Variants in AP3S1 observed in about 807,000 individuals in gnomAD.
AP3S1 encodes adaptor related protein complex 3 subunit sigma 1.
In AP3S1, 12 loss-of-function variants were observed where a neutral mutation model predicts 21.3. The ratio of observed to expected loss-of-function variants is 0.56; its 90% CI spans 0.36 to 0.91. The LOEUF is 0.91. Ranked by LOEUF, AP3S1 falls within the 40% of genes least tolerant of loss-of-function variation. The probability of loss-of-function intolerance (pLI) is 0.01; values close to 1 mark genes in which losing one functional copy is unlikely to be tolerated. For missense variants in AP3S1, 116 were observed against 225.0 expected (o/e 0.52, Z 3.10); for synonymous variants, 48 against 78.4 (o/e 0.61, Z 2.05).
chr5:115,908,830 C>T (rs1325589473), intron 5 of AP3S1: 6 of 230,762 alleles, frequency 2.6e-5, no homozygotes, highest in African/African-American at 7.0e-5. Context: ...TATTCTACCT[C>T]GTGTTGAGGG....
chr5:115,869,608 C>T (rs1748041841), intron 2 of AP3S1, among the ~76,000 whole-genome samples: 1 of 152,200 alleles, frequency 6.6e-6, no homozygotes, highest in Admixed American at 6.5e-5. Flanking sequence ...TAGATCTCAG[C>T]TTAAATGCCA....
chr5:115,882,720 C>G (rs895371324), intron 3 of AP3S1, among the ~76,000 whole-genome samples: 4 of 152,188 alleles, frequency 2.6e-5, no homozygotes, highest in East Asian at 1.9e-4. Flanking sequence ...TATCAGAGCT[C>G]GAGCACTGTG....
chr5:115,903,185 G>T (rs921634847), intron 5 of AP3S1, 193 bp downstream of exon 5: 8 of 414,446 alleles, frequency 1.9e-5, no homozygotes, highest in Non-Finnish European at 3.4e-5. Context: ...CAACAGCTTT[G>T]TGTATTCTTC....
intron 2 of AP3S1, among the ~76,000 whole-genome samples, chr5:115,868,085 C>T (rs931176305): frequency 8.6e-5 from 13 of 152,024 alleles, no homozygotes; most frequent in Admixed American, 2.0e-4. Flanking sequence ...TTTCTCAGTC[C>T]TGTGGTTTTA....
At chr5:115,845,920 A>G (rs1365146555) in intron 1 of AP3S1, among the ~76,000 whole-genome samples, 2 of 143,332 alleles carry the variant, frequency 1.4e-5, no homozygotes, top group East Asian at 2.1e-4. Flanking sequence ...TTTGCCTTCT[A>G]TATCCTTGGT....
chr5:115,906,966 A>C, intron 5 of AP3S1: 1 of 1,367,418 alleles, frequency 7.3e-7, no homozygotes, highest in Non-Finnish European at 9.4e-7. Flanking sequence ...TGTGTTAATA[A>C]ACCCATATAG....
At chr5:115,847,515 G>C (rs1221177767) in intron 1 of AP3S1, among the ~76,000 whole-genome samples, 1 of 151,694 alleles carries the variant, frequency 6.6e-6, no homozygotes, top group Non-Finnish European at 1.5e-5. Flanking sequence ...AGCTGCTTAG[G>C]TGGCTGAGGT....
chr5:115,857,195 A>G (rs1219016165), intron 1 of AP3S1, among the ~76,000 whole-genome samples: 1 of 152,232 alleles, frequency 6.6e-6, no homozygotes, highest in Non-Finnish European at 1.5e-5. Context: ...AAAACTTCCT[A>G]TGAGATTTTA....
At chr5:115,868,893 G>GAGAGAGAGAC (rs1747943072) in intron 2 of AP3S1, among the ~76,000 whole-genome samples, 1 of 120,402 alleles carries the variant, frequency 8.3e-6, no homozygotes, top group South Asian at 3.0e-4. Flanking sequence ...AAAAGAAAGA[G>GAGAGAGAGAC]AGAGAGAGAG....
intron 4 of AP3S1, chr5:115,898,579 G>A (rs1040360743): frequency 1.3e-5 from 2 of 152,316 alleles, no homozygotes; most frequent in Admixed American, 1.3e-4. Flanking sequence ...ATGGTGGTTT[G>A]GTGGTGGGGA....
At chr5:115,884,361 T>G (rs149377746) in intron 3 of AP3S1, among the ~76,000 whole-genome samples, 1,750 of 152,284 alleles carry the variant, frequency 0.011, 13 homozygotes, top group Non-Finnish European at 0.016. Context: ...GTCAGAAGTT[T>G]GAGACCAGCC....
intron 5 of AP3S1, among the ~76,000 whole-genome samples, chr5:115,907,343 G>A (rs938319126): frequency 2.0e-5 from 3 of 152,112 alleles, no homozygotes; most frequent in African/African-American, 7.2e-5. Context: ...TGAACCTTCA[G>A]AGTTTTGCAT....
chr5:115,865,322 A>G (rs1226459448), intron 1 of AP3S1, among the ~76,000 whole-genome samples: 2 of 152,162 alleles, frequency 1.3e-5, no homozygotes, highest in African/African-American at 2.4e-5. Flanking sequence ...TAAGAGAAAA[A>G]GTGTAGTGGA....
chr5:115,866,910 T>A (rs1481615256), intron 2 of AP3S1, 149 bp downstream of exon 2: 1 of 426,804 alleles, frequency 2.3e-6, no homozygotes, highest in Non-Finnish European at 4.1e-6. Context: ...AAATCTAACT[T>A]AAAGAATTAT....
intron 1 of AP3S1, among the ~76,000 whole-genome samples, chr5:115,851,906 A>G (rs1247816339): frequency 6.6e-6 from 1 of 152,036 alleles, no homozygotes; most frequent in Admixed American, 6.6e-5. Flanking sequence ...TTTAATTACT[A>G]TATAATAGTA....
intron 3 of AP3S1, among the ~76,000 whole-genome samples, chr5:115,890,166 T>C (rs1010654904): frequency 6.6e-6 from 1 of 152,234 alleles, no homozygotes; most frequent in Non-Finnish European, 1.5e-5. Context: ...AGTAGATATG[T>C]GTATACGTAT....
intron 1 of AP3S1, among the ~76,000 whole-genome samples, chr5:115,847,676 T>G (rs1227845192): frequency 6.6e-6 from 1 of 152,234 alleles, no homozygotes; most frequent in African/African-American, 2.4e-5. Flanking sequence ...AAAAATTACA[T>G]ATATTTACCG....
At chr5:115,911,278 CATT>C (rs1382051475) in intron 5 of AP3S1, among the ~76,000 whole-genome samples, 1 of 151,836 alleles carries the variant, frequency 6.6e-6, no homozygotes, top group Admixed American at 6.6e-5. Context: ...ATACTGAAAA[CATT>C]ATGTTTACTA....
At chr5:115,881,708 T>C (rs745811709) in intron 3 of AP3S1, among the ~76,000 whole-genome samples, 3 of 152,128 alleles carry the variant, frequency 2.0e-5, no homozygotes, top group Non-Finnish European at 2.9e-5. Context: ...AGGAGTAACT[T>C]TGTGTTCTCT....
Sources: allele counts gnomAD v4.1 joint callset (sites outside exome capture counted in the v4.1 genomes callset), GRCh38; gene constraint gnomAD v4.1.1; transcripts MANE v1.5; gene names NCBI Gene and HGNC (gene_info 2026-07-23, HGNC 2026-07-21).